CLYBL: variants seen among roughly 807,000 people sequenced by gnomAD.
CLYBL encodes the protein citramalyl-CoA lyase, also known as citramalyl-CoA lyase, mitochondrial.
Under a neutral mutation model 38.9 loss-of-function variants are expected in CLYBL, and 31 were observed. That is an observed-to-expected ratio of 0.80 (90% CI 0.60 to 1.08). CLYBL has a LOEUF of 1.08. Among genes scored for constraint, CLYBL ranks in the 50% least tolerant of loss-of-function variants. CLYBL has a pLI of 0.00. For missense variants in CLYBL, 434 were observed against 411.6 expected (o/e 1.05, Z -0.47); for synonymous variants, 171 against 158.6 (o/e 1.08, Z -0.59).
intron 1 of CLYBL, among the ~76,000 whole-genome samples, chr13:99,723,061 A>G (rs1440013852): frequency 6.6e-6 from 1 of 152,250 alleles, no homozygotes; most frequent in Non-Finnish European, 1.5e-5. Context: ...TACAGCGTTT[A>G]TCCATTAATC....
chr13:99,663,964 T>G (rs1240566750), intron 1 of CLYBL, among the ~76,000 whole-genome samples: 1 of 152,276 alleles, frequency 6.6e-6, no homozygotes, highest in African/African-American at 2.4e-5. Context: ...AGTACAATGT[T>G]TCTCCTTAAG....
chr13:99,797,694 C>T (rs985465099), intron 2 of CLYBL, among the ~76,000 whole-genome samples: 1 of 151,982 alleles, frequency 6.6e-6, no homozygotes, highest in Non-Finnish European at 1.5e-5. Flanking sequence ...ATACGTTCCA[C>T]GTGATTTTGT....
chr13:99,608,870 T>TGTTTTG, intron 1 of CLYBL, among the ~76,000 whole-genome samples: 1 of 137,354 alleles, frequency 7.3e-6, no homozygotes, highest in East Asian at 2.1e-4. Context: ...TTTTTTTTTT[T>TGTTTTG]TTTTTTGCTT....
chr13:99,698,808 C>G (rs1456866410), intron 1 of CLYBL, among the ~76,000 whole-genome samples: 1 of 152,144 alleles, frequency 6.6e-6, no homozygotes, highest in East Asian at 1.9e-4. Flanking sequence ...TTGCTTGCAG[C>G]TAAACAGATG....
At chr13:99,625,148 G>T (rs1206490509) in intron 1 of CLYBL, among the ~76,000 whole-genome samples, 1 of 152,214 alleles carries the variant, frequency 6.6e-6, no homozygotes, top group Non-Finnish European at 1.5e-5. Flanking sequence ...CGACTTGGGA[G>T]TTGTGCTGTT....
chr13:99,631,880 C>A (rs1469407413), intron 1 of CLYBL, among the ~76,000 whole-genome samples: 1 of 152,144 alleles, frequency 6.6e-6, no homozygotes, highest in Non-Finnish European at 1.5e-5. Flanking sequence ...GGATTACAGG[C>A]GTGAGCCACC....
At chr13:99,711,933 T>A (rs1305227629) in intron 1 of CLYBL, among the ~76,000 whole-genome samples, 22 of 151,868 alleles carry the variant, frequency 1.4e-4, no homozygotes, top group Admixed American at 1.4e-3. Context: ...GCCAGGCTGG[T>A]CTAGAACTCC....
chr13:99,727,852 C>A (rs149447882), intron 1 of CLYBL, among the ~76,000 whole-genome samples: 1 of 151,956 alleles, frequency 6.6e-6, no homozygotes, highest in South Asian at 2.1e-4. Flanking sequence ...CCGAGGTGGG[C>A]GGATCACTTG....
chr13:99,841,085 G>A lies in CLYBL; in HGVS notation c.250-17776G>A, dbSNP rs1566349270. ...TAGCCTGTGTTTCTGCTGAGAAACT[G>A]ATTCCGGACTTAAGGTTTCTAATTT... On this transcript the variant is annotated intron_variant, in intron 2 of 8. Transcript: ENST00000339105. Among the ~76,000 whole-genome samples, 5 of 152,184 alleles carry A rather than the reference G, an allele frequency of 3.3e-5. No homozygotes were observed. In the South Asian group the frequency reaches 1.0e-3, roughly 32 times the overall value.
rs2047026493 is a variant in CLYBL at position 99,636,946 on chromosome 13, C to CTCACTGCA, written c.62+30200_62+30207dup. On this transcript the variant is annotated intron_variant, in intron 1 of 8. Transcript: ENST00000339105. ...TCGGAGTGCAGTGGTGCAGTCTTGG[C>CTCACTGCA]TCACTGCATCACTGCATCCCCCAGC... Among the ~76,000 whole-genome samples the CTCACTGCA allele has an allele frequency of 5.3e-5, 8 of 152,258 alleles. No homozygotes were observed. The South Asian group carries it at 1.7e-3, about 32-fold the overall frequency.
intron 1 of CLYBL, among the ~76,000 whole-genome samples, chr13:99,745,886 TAGA>T: frequency 4.0e-5 from 1 of 25,006 alleles, no homozygotes; most frequent in East Asian, 4.6e-3. Context: ...TGTGGCTAAA[TAGA>T]AAAAAAAAAA....
At chr13:99,710,949 G>A (rs757060523) in intron 1 of CLYBL, among the ~76,000 whole-genome samples, 6 of 144,254 alleles carry the variant, frequency 4.2e-5, no homozygotes, top group Non-Finnish European at 7.4e-5. Context: ...GTGCAGTGGC[G>A]TGATCTCGGC....
At chr13:99,833,104 C>G (rs141483027) in intron 2 of CLYBL, among the ~76,000 whole-genome samples, 9,588 of 132,798 alleles carry the variant, frequency 0.072, 1,147 homozygotes, top group African/African-American at 0.25. Context: ...TACAATGGCA[C>G]GATCTTAGCT....
intron 2 of CLYBL, among the ~76,000 whole-genome samples, chr13:99,808,965 C>T (rs1000022): frequency 0.6 from 91,169 of 151,948 alleles, 30,473 homozygotes; most frequent in African/African-American, 0.89. Flanking sequence ...AGCAAGTTCA[C>T]GTCCTGAGCA....
At chr13:99,820,757 CAGATT>C (rs1467032316) in intron 2 of CLYBL, among the ~76,000 whole-genome samples, 1 of 152,154 alleles carries the variant, frequency 6.6e-6, no homozygotes, top group Admixed American at 6.5e-5. Context: ...CGTGTGAACT[CAGATT>C]AGAGGAGCGG....
rs202170974 is a variant in CLYBL at position 99,770,077 on chromosome 13, TTTC to T, written c.63-2744_63-2742del. Among the ~76,000 whole-genome samples, 73 of 107,812 alleles carry T rather than the reference TTTC, an allele frequency of 6.8e-4. 1 individual carries two copies. Among genetic ancestry groups the T allele is most frequent in the African/African-American group, 1.4e-3 (51 of 35,874 alleles). The allele number at this position is 107,812 out of a possible 152,430, so 70.7% of individuals were successfully genotyped here. ...TTAACTTTTCTTTCTTTTTCTTTTC[TTTC>T]TTTTTTTTTTTTTTTTTGAGATGGA... On this transcript the variant is annotated intron_variant, in intron 1 of 8. Transcript: ENST00000339105.
chr13:99,674,242 C>T (rs938027605), intron 1 of CLYBL, among the ~76,000 whole-genome samples: 13 of 147,652 alleles, frequency 8.8e-5, no homozygotes, highest in African/African-American at 2.3e-4. Flanking sequence ...ACCTCCGCCT[C>T]GCAGGTTCAA....
At chr13:99,667,979 A>G (rs1303231551) in intron 1 of CLYBL, among the ~76,000 whole-genome samples, 2 of 152,246 alleles carry the variant, frequency 1.3e-5, no homozygotes, top group South Asian at 2.1e-4. Flanking sequence ...TTCATCTTCA[A>G]TAGAACATTA....
At chr13:99,610,015 G>A (rs2046602027) in intron 1 of CLYBL, among the ~76,000 whole-genome samples, 1 of 152,046 alleles carries the variant, frequency 6.6e-6, no homozygotes, top group Non-Finnish European at 1.5e-5. Flanking sequence ...TGATCCTCCT[G>A]CCTCAGCCTC....
Sources: allele counts gnomAD v4.1 joint callset (sites outside exome capture counted in the v4.1 genomes callset), GRCh38; gene constraint gnomAD v4.1.1; transcripts MANE v1.5; gene names NCBI Gene and HGNC (gene_info 2026-07-23, HGNC 2026-07-21).